Variants in TMEM37 observed in about 807,000 individuals in gnomAD.
The protein encoded by TMEM37 is transmembrane protein 37.
In TMEM37, 12 loss-of-function variants were observed where a neutral mutation model predicts 11.0. The observed-to-expected ratio is 1.09, with a 90% CI of 0.70 to 1.76. The LOEUF (loss-of-function observed/expected upper bound fraction) is 1.76, where lower values mean the gene tolerates loss of function less well. Ranked by LOEUF, TMEM37 falls within the 40% of genes most tolerant of loss-of-function variation. TMEM37 has a pLI of 0.00. For synonymous variants in TMEM37, 127 were observed against 110.5 expected, an observed-to-expected ratio of 1.15 and a Z score of -0.94; for missense variants, 203 against 251.2, an observed-to-expected ratio of 0.81 and a Z score of 1.30.
At chr2:119,429,971 C>T (rs1273662574), upstream of TMEM37, 1 of 1,550,512 alleles carries the variant, frequency 6.4e-7, no homozygotes, top group South Asian at 1.2e-5. Context: ...CCAGGCACTT[C>T]CCTCTTGGCC....
chr2:119,436,776 A>C, intron 1 of TMEM37, 113 bp from the exon 2 acceptor site: 2 of 864,974 alleles, frequency 2.3e-6, no homozygotes, highest in Non-Finnish European at 1.8e-6. Flanking sequence ...GAGACCAAGC[A>C]GAGAATAAGA....
At chr2:119,436,379 T>A (rs1682496025) in intron 1 of TMEM37, among the ~76,000 whole-genome samples, 1 of 152,026 alleles carries the variant, frequency 6.6e-6, no homozygotes, top group Non-Finnish European at 1.5e-5. Context: ...AGCTCCCGAA[T>A]CATCAGGTGG....
chr2:119,433,773 TC>T (rs1682447655), intron 1 of TMEM37, among the ~76,000 whole-genome samples: 1 of 152,110 alleles, frequency 6.6e-6, no homozygotes, highest in South Asian at 2.1e-4. Context: ...GGACTTGACC[TC>T]CCCGCTCCCT....
In TMEM37 at chr2:119,437,779, G is replaced by T; in HGVS notation, c.*339G>T. On this transcript the variant is annotated 3_prime_UTR_variant, in exon 2 of 2. Transcript: ENST00000306406. ...ACAGTTGGAAGCACAGGGGTAACTG[G>T]TACCTGAGCTAGCTGCACAGCCAAG... 1 of 317,126 alleles carries T rather than the reference G, an allele frequency of 3.2e-6. No individual in the cohort carries two copies. Among genetic ancestry groups the T allele is most frequent in the Non-Finnish European group, 5.8e-6 (1 of 171,628 alleles). The allele number at this position is 317,126 out of a possible 1,614,324, so 19.6% of individuals were successfully genotyped here.
In TMEM37 at chr2:119,437,713, T is replaced by C; in HGVS notation, c.*273T>C. The C allele has an allele frequency of 2.0e-6, 1 of 492,758 alleles. No homozygotes were observed. The highest frequency in any genetic ancestry group is 3.6e-6 in the Non-Finnish European group (1 of 280,374). The allele number at this position is 492,758 out of a possible 1,614,324, so 30.5% of individuals were successfully genotyped here. A position where few individuals can be genotyped will look rare whatever the true frequency, so the allele number is the denominator to read the frequency against. On this transcript the variant is annotated 3_prime_UTR_variant, in exon 2 of 2. Transcript: ENST00000306406. Reference sequence around the variant, plus strand: ...TTGATTTTAGAGGAAGAAAAAAACATTTTAAAACTCCTTCTTGAATTTTCT... The same window carrying C: ...TTGATTTTAGAGGAAGAAAAAAACACTTTAAAACTCCTTCTTGAATTTTCT...
At chr2:119,436,192 G>A (rs1427005411) in intron 1 of TMEM37, among the ~76,000 whole-genome samples, 1 of 152,220 alleles carries the variant, frequency 6.6e-6, no homozygotes, top group Non-Finnish European at 1.5e-5. Flanking sequence ...GGCTGAACCG[G>A]AAGTGGAGGA....
At chr2:119,436,753 C>A in intron 1 of TMEM37, 136 bp from the exon 2 acceptor site, 1 of 725,970 alleles carries the variant, frequency 1.4e-6, no homozygotes, top group Non-Finnish European at 2.3e-6. Flanking sequence ...CTGGTCTGTT[C>A]CGGGCTTCAC....
upstream of TMEM37, chr2:119,430,086 T>C (rs375776231): frequency 1.1e-4 from 109 of 980,578 alleles, no homozygotes; most frequent in South Asian, 1.1e-3. Flanking sequence ...TCCTTTCCCA[T>C]GTGGGCTCTT....
intron 1 of TMEM37, among the ~76,000 whole-genome samples, chr2:119,433,253 G>A (rs553230106): frequency 2.0e-5 from 3 of 152,342 alleles, no homozygotes; most frequent in South Asian, 2.1e-4. Flanking sequence ...CGGCCGCTTC[G>A]GGATGATAAC....
upstream of TMEM37, chr2:119,431,783 C>CAA: frequency 1.2e-6 from 1 of 812,250 alleles, no homozygotes; most frequent in Non-Finnish European, 1.6e-6. Flanking sequence ...TGAACGCCCC[C>CAA]TCCCGCCCCG....
chr2:119,431,587 T>C (rs1014395414), upstream of TMEM37, among the ~76,000 whole-genome samples: 4 of 152,166 alleles, frequency 2.6e-5, no homozygotes, highest in Non-Finnish European at 5.9e-5. Context: ...TCCTCGGAGG[T>C]TCGGGAGCGT....
chr2:119,432,448 G>A (rs1006576774), intron 1 of TMEM37, among the ~76,000 whole-genome samples: 6 of 152,114 alleles, frequency 3.9e-5, no homozygotes, highest in African/African-American at 1.4e-4. Flanking sequence ...GGGTGGACTT[G>A]CTGAGTCGCG....
In TMEM37 at chr2:119,436,878, G is replaced by A. The variant is rs535805988; in HGVS notation, c.22-11G>A. The stretch of plus-strand genomic sequence containing the variant: ...TGTGGCTGACAGGGTGCTTCCTACG[G>A]TTTTTTCCAGGCCCAGAGGCCTTTG... On this transcript the variant is annotated splice_polypyrimidine_tract_variant and intron_variant, in intron 1 of 1. Coordinates refer to ENST00000306406, the MANE Select transcript of TMEM37 (RefSeq NM_183240.3). 32 of 1,606,078 alleles carry A rather than the reference G, an allele frequency of 2.0e-5. No homozygotes were observed. In the East Asian group the frequency reaches 6.9e-4, roughly 35 times the overall value.
At chr2:119,432,687 G>C (rs1254658428) in intron 1 of TMEM37, among the ~76,000 whole-genome samples, 1 of 152,216 alleles carries the variant, frequency 6.6e-6, no homozygotes, top group Non-Finnish European at 1.5e-5. Context: ...CTATCCGCTG[G>C]ACTGTCTCCA....
chr2:119,431,105 C>G (rs1381517492), upstream of TMEM37, among the ~76,000 whole-genome samples: 1 of 151,776 alleles, frequency 6.6e-6, no homozygotes, highest in Non-Finnish European at 1.5e-5. Context: ...GCCGTGATCG[C>G]GTCATTGCAC....
intron 1 of TMEM37, among the ~76,000 whole-genome samples, chr2:119,435,641 G>A (rs1682482370): frequency 6.6e-6 from 1 of 152,218 alleles, no homozygotes; most frequent in African/African-American, 2.4e-5. Context: ...ACACAGCAGT[G>A]CCTAAACACA....
chr2:119,431,760 A>T, upstream of TMEM37: 1 of 630,650 alleles, frequency 1.6e-6, no homozygotes, highest in South Asian at 7.7e-5. Flanking sequence ...GCCCGGGGTT[A>T]ATCGCCGAGC....
intron 1 of TMEM37, among the ~76,000 whole-genome samples, chr2:119,433,073 C>G (rs915826111): frequency 6.6e-6 from 1 of 152,226 alleles, no homozygotes; most frequent in Non-Finnish European, 1.5e-5. Context: ...TCCCTCCCCT[C>G]TAGGAGCTTA....
rs539420194 is a variant in TMEM37 at position 119,438,393 on chromosome 2, T to A, written c.*953T>A. 3 of 152,260 alleles carry A rather than the reference T, an allele frequency of 2.0e-5. No individual in the cohort carries two copies. Among genetic ancestry groups the A allele is most frequent in the African/African-American group, 7.2e-5 (3 of 41,420 alleles). The allele number at this position is 152,260 out of a possible 1,614,324, so 9.4% of individuals were successfully genotyped here. A position where few individuals can be genotyped will look rare whatever the true frequency, so the allele number is the denominator to read the frequency against. ...GAACAGCGAGAGCTTGGGTAATGAT[T>A]AACACCCATGCTGGGGATGCATGGA... is the stretch of plus-strand genomic sequence containing the variant. On this transcript the variant is annotated 3_prime_UTR_variant, in exon 2 of 2. Transcript: ENST00000306406.
Sources: gnomAD v4.1 joint callset for allele counts (sites outside exome capture counted in the v4.1 genomes callset) on GRCh38, gnomAD v4.1.1 for gene constraint, MANE v1.5 for transcripts, NCBI Gene and HGNC (gene_info 2026-07-23, HGNC 2026-07-21) for gene names.